TIMMDC1: variants seen among roughly 807,000 people sequenced by gnomAD.
TIMMDC1 encodes complex I assembly factor TIMMDC1, mitochondrial.
TIMMDC1 carries 25 observed loss-of-function variants against 32.6 expected under a neutral mutation model. That is an observed-to-expected ratio of 0.77 (90% confidence interval 0.56 to 1.07). The LOEUF (loss-of-function observed/expected upper bound fraction) is 1.07. TIMMDC1 is among the 50% of genes least tolerant of loss of function. TIMMDC1 has a pLI of 0.00. For synonymous variants in TIMMDC1, 130 were observed against 127.6 expected, an observed-to-expected ratio of 1.02 and a Z score of -0.13; for missense variants, 329 against 349.2, an observed-to-expected ratio of 0.94 and a Z score of 0.46.
At chr3:119,522,532 T>C (rs760524371) in intron 6 of TIMMDC1, among the ~76,000 whole-genome samples, 14 of 152,194 alleles carry the variant, frequency 9.2e-5, no homozygotes, top group Non-Finnish European at 1.9e-4. Flanking sequence ...TAATTTATTG[T>C]ATATTTTCAA....
At chr3:119,520,479 A>G (rs2082018633) in intron 6 of TIMMDC1, among the ~76,000 whole-genome samples, 1 of 152,202 alleles carries the variant, frequency 6.6e-6, no homozygotes, top group Non-Finnish European at 1.5e-5. Context: ...GAAATTGGAA[A>G]AGCTACAGGA....
intron 4 of TIMMDC1, among the ~76,000 whole-genome samples, chr3:119,507,601 A>G (rs1472756642): frequency 6.6e-6 from 1 of 152,092 alleles, no homozygotes; most frequent in Non-Finnish European, 1.5e-5. Flanking sequence ...AGTTGCTTTA[A>G]TCTCTTCATA....
Position 119,513,657 on chromosome 3 carries a change from T to C in TIMMDC1, c.534T>C (p.Leu178=). 6.2e-7 allele frequency: 1 copy of C among 1,613,320 alleles called. No individual in the cohort carries two copies. The highest frequency in any genetic ancestry group is 8.5e-7 in the Non-Finnish European group (1 of 1,179,516). The change falls in exon 5 of 7, where the codon CTT becomes CTC. Residue 178 remains leucine, a synonymous_variant. Coordinates refer to ENST00000494664, the MANE Select transcript of TIMMDC1 (RefSeq NM_016589.4). The part of the protein sequence containing the change: ...FVIAGAVTGS[L]FRINVGLRGL... ...TTTAAATAGCTGTCACGGGAAGTCTTTTTAGGATAAACGTAGGCCTGCGTG... is the reference window on the plus strand; with the variant it reads ...TTTAAATAGCTGTCACGGGAAGTCTCTTTAGGATAAACGTAGGCCTGCGTG...
In TIMMDC1 at chr3:119,521,507, AC is replaced by A. The variant is rs2082026583; in HGVS notation, c.708-2098del. Among the ~76,000 whole-genome samples, 3 of 152,100 alleles carry A rather than the reference AC, an allele frequency of 2.0e-5. No individual in the cohort carries two copies. The South Asian group carries it at 6.2e-4, about 32-fold the overall frequency. ...GGTTGCAATGAACCAAGATGGTGCCACTGCACTCCAGCCTGAGTGACAGCAT... is the reference window on the plus strand; with the variant it reads ...GGTTGCAATGAACCAAGATGGTGCCATGCACTCCAGCCTGAGTGACAGCAT... On this transcript the variant is annotated intron_variant, in intron 6 of 6. Transcript: ENST00000494664.
chr3:119,514,531 CAT>C (rs1258748858), intron 5 of TIMMDC1, among the ~76,000 whole-genome samples: 3 of 152,320 alleles, frequency 2.0e-5, no homozygotes, highest in South Asian at 4.1e-4. Context: ...CTAATGCCCA[CAT>C]GTTTCTCCAT....
At chr3:119,508,993 G>A (rs1425424587) in intron 4 of TIMMDC1, among the ~76,000 whole-genome samples, 1 of 152,118 alleles carries the variant, frequency 6.6e-6, no homozygotes, top group South Asian at 2.1e-4. Flanking sequence ...ATCTCTTGAG[G>A]TTGGGAGTTT....
At chr3:119,513,783 A>C (rs192018737) in intron 5 of TIMMDC1, 64 bp downstream of exon 5, 2 of 1,061,952 alleles carry the variant, frequency 1.9e-6, no homozygotes, top group East Asian at 5.2e-5. Flanking sequence ...GCCTATTAAA[A>C]AGTCTCATTT....
chr3:119,517,350 C>G (rs2107734168), intron 6 of TIMMDC1, 35 bp downstream of exon 6: 1 of 1,430,986 alleles, frequency 7.0e-7, no homozygotes, highest in Non-Finnish European at 9.9e-7. Flanking sequence ...AATCTTGGCT[C>G]TCTTGCCCCA....
At chr3:119,501,384 G>A (rs1055608986) in intron 2 of TIMMDC1, among the ~76,000 whole-genome samples, 3 of 152,006 alleles carry the variant, frequency 2.0e-5, no homozygotes, top group South Asian at 2.1e-4. Context: ...CCTTTCATCC[G>A]GATTCTCCAT....
At chr3:119,500,457 C>G (rs1348544384) in intron 1 of TIMMDC1, 1 of 406,286 alleles carries the variant, frequency 2.5e-6, no homozygotes, top group Non-Finnish European at 4.4e-6. Flanking sequence ...CCCCTTGTGC[C>G]TTTTCCGGTC....
chr3:119,506,226 G>C (rs1324039945), intron 4 of TIMMDC1, among the ~76,000 whole-genome samples: 3 of 152,154 alleles, frequency 2.0e-5, no homozygotes, highest in African/African-American at 7.2e-5. Context: ...TCTGTCAATT[G>C]TTAAATGTGA....
At chr3:119,510,403 T>G (rs972663109) in intron 4 of TIMMDC1, among the ~76,000 whole-genome samples, 1 of 152,172 alleles carries the variant, frequency 6.6e-6, no homozygotes, top group Non-Finnish European at 1.5e-5. Flanking sequence ...TGAAAGCAAT[T>G]CAAATCAAAA....
At chr3:119,516,819 C>G (rs147829049) in intron 5 of TIMMDC1, among the ~76,000 whole-genome samples, 14 of 152,308 alleles carry the variant, frequency 9.2e-5, no homozygotes, top group African/African-American at 3.4e-4. Context: ...GAGCTGGTGC[C>G]ATTCTGAACT....
At chr3:119,519,875 A>G (rs2082013671) in intron 6 of TIMMDC1, among the ~76,000 whole-genome samples, 1 of 151,586 alleles carries the variant, frequency 6.6e-6, no homozygotes, top group Non-Finnish European at 1.5e-5. Flanking sequence ...ACAAGTCTCA[A>G]CAAATTTTTA....
chr3:119,510,537 A>C (rs969839619), intron 4 of TIMMDC1, among the ~76,000 whole-genome samples: 1 of 152,214 alleles, frequency 6.6e-6, no homozygotes, highest in Non-Finnish European at 1.5e-5. Flanking sequence ...TGTAAAATTA[A>C]AATCTGTATA....
chr3:119,515,561 C>T (rs1316537367), intron 5 of TIMMDC1, among the ~76,000 whole-genome samples: 1 of 152,148 alleles, frequency 6.6e-6, no homozygotes, highest in Non-Finnish European at 1.5e-5. Context: ...TAATCATGGG[C>T]ATAATATATT....
chr3:119,512,046 G>A (rs896143549), intron 4 of TIMMDC1, among the ~76,000 whole-genome samples: 2 of 152,172 alleles, frequency 1.3e-5, no homozygotes, highest in Admixed American at 1.3e-4. Context: ...ATTTCTGTGA[G>A]TTTGTCCTAA....
chr3:119,511,687 ATG>A (rs1553779729), intron 4 of TIMMDC1, among the ~76,000 whole-genome samples: 2 of 152,216 alleles, frequency 1.3e-5, no homozygotes, highest in Non-Finnish European at 2.9e-5. Context: ...AAATAATAGT[ATG>A]TGCAGGTAAT....
chr3:119,509,234 T>G (rs563183696), intron 4 of TIMMDC1, among the ~76,000 whole-genome samples: 1 of 152,250 alleles, frequency 6.6e-6, no homozygotes, highest in East Asian at 1.9e-4. Context: ...TAATTTACTG[T>G]GCAACTCAGC....
Sources: gnomAD v4.1 joint callset for allele counts (sites outside exome capture counted in the v4.1 genomes callset) on GRCh38, gnomAD v4.1.1 for gene constraint, MANE v1.5 for transcripts, NCBI Gene and HGNC (gene_info 2026-07-23, HGNC 2026-07-21) for gene names.